Variants in KANSL3 observed in about 807,000 individuals in gnomAD.
KANSL3 encodes KAT8 regulatory NSL complex subunit 3.
Under a neutral mutation model 89.2 loss-of-function variants are expected in KANSL3, and 16 were observed. The ratio of observed to expected loss-of-function variants is 0.18; its 90% CI spans 0.12 to 0.27. The LOEUF (loss-of-function observed/expected upper bound fraction) is 0.27, where lower values mean the gene tolerates loss of function less well. Among genes scored for constraint, KANSL3 ranks in the 10% least tolerant of loss-of-function variants. KANSL3 has a pLI of 1.00. For synonymous variants in KANSL3, 385 were observed against 419.7 expected (o/e 0.92, Z 1.01); for missense variants, 879 against 1,110.6 (o/e 0.79, Z 2.96).
intron 2 of KANSL3, among the ~76,000 whole-genome samples, chr2:96,636,020 A>G (rs1194633812): frequency 1.3e-5 from 2 of 151,732 alleles, no homozygotes; most frequent in African/African-American, 2.4e-5. Flanking sequence ...ACACACACAC[A>G]TTGTGGTATC....
At chr2:96,632,435 C>T (rs1287035354) in intron 2 of KANSL3, among the ~76,000 whole-genome samples, 3 of 152,148 alleles carry the variant, frequency 2.0e-5, no homozygotes, top group Non-Finnish European at 4.4e-5. Context: ...GCACTCCAGT[C>T]TGGGTGACAC....
intron 3 of KANSL3, among the ~76,000 whole-genome samples, chr2:96,623,252 T>C (rs1558752112): frequency 6.6e-6 from 1 of 152,200 alleles, no homozygotes; most frequent in Non-Finnish European, 1.5e-5. Context: ...CATACCATAT[T>C]AATGCGGAGG....
chr2:96,585,275 A>G, the KANSL3 span, among the ~76,000 whole-genome samples: 1 of 152,228 alleles, frequency 6.6e-6, no homozygotes, highest in African/African-American at 2.4e-5. Context: ...AGAAACTTAA[A>G]TCAGCAAGAA....
intron 20 of KANSL3, among the ~76,000 whole-genome samples, chr2:96,598,790 G>A (rs2066797924): frequency 6.6e-6 from 1 of 151,290 alleles, no homozygotes; most frequent in African/African-American, 2.4e-5. Context: ...TGAGCCTATA[G>A]TCCCAGCTAC....
downstream of KANSL3, among the ~76,000 whole-genome samples, chr2:96,589,683 C>A (rs368976609): frequency 6.6e-6 from 1 of 152,230 alleles, no homozygotes; most frequent in South Asian, 2.1e-4. Flanking sequence ...CCTGACAACA[C>A]CATCAGCCAA....
chr2:96,592,966 G>A (rs979768073), downstream of KANSL3, among the ~76,000 whole-genome samples: 8 of 151,526 alleles, frequency 5.3e-5, no homozygotes, highest in Admixed American at 1.3e-4. Context: ...TCGCGCCATT[G>A]CACTCCAGCC....
At chr2:96,581,299 C>T in the KANSL3 span, among the ~76,000 whole-genome samples, 4 of 152,142 alleles carry the variant, frequency 2.6e-5, no homozygotes, top group African/African-American at 7.2e-5. Context: ...TGGCACATGC[C>T]TGTAATCCCT....
the KANSL3 span, among the ~76,000 whole-genome samples, chr2:96,581,467 T>C: frequency 3.3e-5 from 5 of 151,792 alleles, no homozygotes; most frequent in South Asian, 1.0e-3. Flanking sequence ...GTTCTTAAGG[T>C]GGTTACTGGT....
At chr2:96,599,814 C>T (rs925483889) in intron 20 of KANSL3, 2 of 186,230 alleles carry the variant, frequency 1.1e-5, no homozygotes, top group Non-Finnish European at 2.0e-5. Context: ...CATTTTTCAC[C>T]CAGATTAATA....
At chr2:96,595,781 G>A in intron 20 of KANSL3, 150 bp from the exon 21 acceptor site, 1 of 907,810 alleles carries the variant, frequency 1.1e-6, no homozygotes, top group Admixed American at 2.6e-5. Context: ...AAGGACACAT[G>A]TTCTAGCTGC....
intron 3 of KANSL3, among the ~76,000 whole-genome samples, chr2:96,626,642 A>ATTAAATG (rs2072380336): frequency 6.6e-6 from 1 of 152,236 alleles, no homozygotes; most frequent in Non-Finnish European, 1.5e-5. Flanking sequence ...GGAAAATTTT[A>ATTAAATG]TTAAATGTCT....
At chr2:96,620,107 C>T (rs918133703) in intron 3 of KANSL3, among the ~76,000 whole-genome samples, 10 of 152,190 alleles carry the variant, frequency 6.6e-5, no homozygotes, top group African/African-American at 2.4e-4. Flanking sequence ...AATAAACGCA[C>T]AGCACCACTG....
chr2:96,599,752 A>G (rs992611263), intron 20 of KANSL3: 51 of 491,422 alleles, frequency 1.0e-4, no homozygotes, highest in African/African-American at 1.5e-4. Context: ...AACATTTCAT[A>G]AAAGACATAA....
At position 96,605,375 on chromosome 2, in the gene KANSL3, G is replaced by A. The variant is rs76786736; in HGVS notation, c.1878C>T (p.Ser626=). 3.3e-4 allele frequency: 538 copies of A among 1,613,790 alleles called. 1 individual carries two copies. In the African/African-American group the frequency reaches 6.6e-3, roughly 20 times the overall value. The change falls in exon 15 of 21, where the codon TCC becomes TCT. Residue 626 remains serine, a synonymous_variant. Transcript: ENST00000431828. ...AAGGCCCTCCAGCTGTGTCCCCTTGGGAGATAAGGGACACCTTGATCTTCG... is the reference window on the plus strand; with the variant it reads ...AAGGCCCTCCAGCTGTGTCCCCTTGAGAGATAAGGGACACCTTGATCTTCG... ...KRPKIKVSLI[S]QGDTAGGPCA... is the part of the protein sequence containing the mutation.
the KANSL3 span, among the ~76,000 whole-genome samples, chr2:96,584,221 G>A: frequency 6.6e-6 from 1 of 152,108 alleles, no homozygotes; most frequent in Non-Finnish European, 1.5e-5. Context: ...GTGACTCATG[G>A]TGCCCTGCAG....
chr2:96,601,624 T>C lies in KANSL3; in HGVS notation c.2616+19A>G, dbSNP rs2067199748. The C allele has an allele frequency of 6.2e-7, 1 of 1,612,016 alleles. No individual in the cohort carries two copies. The highest frequency in any genetic ancestry group is 1.1e-5 in the South Asian group (1 of 90,806). On this transcript the variant is annotated intron_variant, in intron 20 of 20. Transcript: ENST00000431828. ...CCAATAATGAAGCCCATGTCCTCAG[T>C]CCTTCCTGGCAGACTCACCTGTGAG... is the stretch of plus-strand genomic sequence containing the variant.
intron 15 of KANSL3, among the ~76,000 whole-genome samples, 191 bp from the exon 16 acceptor site, chr2:96,605,054 G>A (rs1311566927): frequency 6.6e-6 from 1 of 152,196 alleles, no homozygotes; most frequent in Non-Finnish European, 1.5e-5. Flanking sequence ...GAAATATTCT[G>A]TACCTTTAAT....
intron 12 of KANSL3, 31 bp downstream of exon 12, chr2:96,609,468 G>C (rs1191611017): frequency 6.2e-7 from 1 of 1,600,574 alleles, no homozygotes. Context: ...GGCAAGCCTA[G>C]CTGAGAAAAG....
chr2:96,593,084 T>G (rs1019813046), downstream of KANSL3: 4 of 359,744 alleles, frequency 1.1e-5, no homozygotes, highest in African/African-American at 8.5e-5. Context: ...TACAATATCT[T>G]AGCTCTACCT....
Sources: gnomAD v4.1 joint callset for allele counts (sites outside exome capture counted in the v4.1 genomes callset) on GRCh38, gnomAD v4.1.1 for gene constraint, MANE v1.5 for transcripts, NCBI Gene and HGNC (gene_info 2026-07-23, HGNC 2026-07-21) for gene names.